HIP1R: variants seen among roughly 807,000 people sequenced by gnomAD.
HIP1R encodes the protein huntingtin interacting protein 1 related.
In HIP1R, 135 loss-of-function variants were observed where a neutral mutation model predicts 144.2. That is an observed-to-expected ratio of 0.94 (90% CI 0.81 to 1.08). HIP1R has a LOEUF of 1.08. HIP1R is among the 50% of genes least tolerant of loss of function. HIP1R has a pLI of 0.00. For missense variants in HIP1R, 1,462 were observed against 1,432.8 expected, an observed-to-expected ratio of 1.02 and a Z score of -0.33; for synonymous variants, 698 against 612.8, an observed-to-expected ratio of 1.14 and a Z score of -2.05.
intron 17 of HIP1R, 139 bp from the exon 18 acceptor site, chr12:122,856,882 C>A: frequency 9.6e-7 from 1 of 1,045,700 alleles, no homozygotes. Context: ...GGAGACAGGA[C>A]CTACCGCTGG....
rs2032899604 is a variant in HIP1R, at chr12:122,836,470, G to A, written c.93+827G>A. ...GCGTTTTGTACTTGTGTTTGTGCCG[G>A]GGACCCACGATGCAGACGTTGCTGC... On this transcript the variant is annotated intron_variant, in intron 1 of 31. Coordinates refer to ENST00000253083, the MANE Select transcript of HIP1R (RefSeq NM_003959.3). The surrounding 1 kb of genome is among the most constrained non-coding windows in gnomAD (Gnocchi z 4.1). Among the ~76,000 whole-genome samples, 1 of 152,104 alleles carries A rather than the reference G, an allele frequency of 6.6e-6. No individual in the cohort carries two copies. The highest frequency in any genetic ancestry group is 1.5e-5 in the Non-Finnish European group (1 of 68,030).
intron 7 of HIP1R, among the ~76,000 whole-genome samples, chr12:122,851,554 G>A (rs2033395442): frequency 6.6e-6 from 1 of 152,076 alleles, no homozygotes; most frequent in Admixed American, 6.5e-5. Flanking sequence ...ATAAAAATTA[G>A]CCAGGCGTGG....
Position 122,859,840 on chromosome 12 carries a change from C to A in HIP1R, c.2465+10C>A, listed in dbSNP as rs776581985. 1 of 1,611,480 alleles carries A rather than the reference C, an allele frequency of 6.2e-7. No individual in the cohort carries two copies. Among genetic ancestry groups the A allele is most frequent in the Non-Finnish European group, 8.5e-7 (1 of 1,179,082 alleles). ...TGGAGGTGAACGAGAGGTGAGCCCC[C>A]CTTCTGTCCCCCCAGGCCCAGCCGA... is the stretch of plus-strand genomic sequence containing the variant. On this transcript the variant is annotated intron_variant, in intron 24 of 31. Coordinates refer to ENST00000253083, the MANE Select transcript of HIP1R (RefSeq NM_003959.3).
intron 6 of HIP1R, 88 bp from the exon 7 acceptor site, chr12:122,851,148 C>A (rs1016530093): frequency 5.1e-5 from 62 of 1,206,938 alleles, no homozygotes; most frequent in Non-Finnish European, 6.7e-5. Flanking sequence ...GTCGGCGGTG[C>A]CCCCGTCCCC....
chr12:122,852,627 G>C (rs2033431655), intron 7 of HIP1R, among the ~76,000 whole-genome samples: 1 of 152,210 alleles, frequency 6.6e-6, no homozygotes, highest in South Asian at 2.1e-4. Context: ...ACAGGTACAG[G>C]GGCTTCCCTG....
Position 122,848,067 on chromosome 12 carries a change from GC to G in HIP1R, c.135del (p.Val46Ter). ...CAGCAAAGCCATCAACACCCAGGAG[GC>G]CCCCGTGAAGGAGAAGCACGCCCGG... ...SISKAINTQEAPVKEKHARRI... is the reference protein window; with the variant it reads ...SISKAINTQEXPVKEKHARRI... On this transcript the variant is annotated frameshift_variant, in exon 2 of 32. Transcript: ENST00000253083. LOFTEE classifies it high-confidence loss of function. 1 of 1,613,606 alleles carries G rather than the reference GC, an allele frequency of 6.2e-7. No individual in the cohort carries two copies. The highest frequency in any genetic ancestry group is 8.5e-7 in the Non-Finnish European group (1 of 1,179,952).
At chr12:122,849,145 G>C (rs1316786779) in intron 4 of HIP1R, among the ~76,000 whole-genome samples, 2 of 152,264 alleles carry the variant, frequency 1.3e-5, no homozygotes, top group Non-Finnish European at 2.9e-5. Flanking sequence ...TGGTTAGAGA[G>C]CCTGTGGCAG....
Position 122,835,462 on chromosome 12 carries a change from G to A in HIP1R, c.-89G>A. 2 of 1,165,842 alleles carry A rather than the reference G, an allele frequency of 1.7e-6. No homozygotes were observed. Among genetic ancestry groups the A allele is most frequent in the South Asian group, 3.6e-5 (1 of 28,048 alleles). 72.2% of individuals were successfully genotyped at this position (1,165,842 alleles called of 1,614,324 possible). ...CGGGCGGGCCCGGGCGCGGCGCGGT[G>A]GCCTCGCGGTGCCTAGGCTGGGGCT... is the stretch of plus-strand genomic sequence containing the variant. On this transcript the variant is annotated 5_prime_UTR_variant, in exon 1 of 32. Transcript: ENST00000253083.
Position 122,859,899 on chromosome 12 carries a change from C to G in HIP1R, c.2465+69C>G. On this transcript the variant is annotated intron_variant, in intron 24 of 31. Coordinates refer to ENST00000253083, the MANE Select transcript of HIP1R (RefSeq NM_003959.3). The stretch of plus-strand genomic sequence containing the variant: ...CCCCGTGGCCCCTAAGGTTCTGCCC[C>G]CAACTGTTCTGCTCACGGGAAAGGA... 5 of 1,521,944 alleles carry G rather than the reference C, an allele frequency of 3.3e-6. No homozygotes were observed. The Admixed American group carries it at 5.4e-5, about 16-fold the overall frequency. 94.3% of individuals were successfully genotyped at this position (1,521,944 alleles called of 1,614,324 possible).
Position 122,860,971 on chromosome 12 carries a change from C to T in HIP1R, c.2822C>T (p.Thr941Ile), listed in dbSNP as rs1257802042. Residue 941 changes from threonine to isoleucine, a missense_variant, in exon 29 of 32, where the codon ACA (threonine) becomes ATA (isoleucine). Around this residue, in one of 2 missense-constraint regions of HIP1R, gnomAD observed 1,112 missense variants for 1,011.7 expected, o/e 1.10. Coordinates refer to ENST00000253083, the MANE Select transcript of HIP1R (RefSeq NM_003959.3). ...HLSRLQECSR[T>I]VNERAANVVA... ...AGCCGCCTGCAGGAATGTTCTCGCA[C>T]AGTCAATGAGAGGGCTGCCAATGTG... The T allele has an allele frequency of 3.1e-6, 5 of 1,613,420 alleles. No individual in the cohort carries two copies. In the South Asian group the frequency reaches 3.3e-5, roughly 11 times the overall value.
chr12:122,851,954 G>A (rs2033413047), intron 7 of HIP1R, among the ~76,000 whole-genome samples: 1 of 152,198 alleles, frequency 6.6e-6, no homozygotes, highest in Non-Finnish European at 1.5e-5. Flanking sequence ...AGAAAGGTTT[G>A]GGTCGTCCTG....
rs1218703094 is a variant in HIP1R at position 122,860,190 on chromosome 12, G to A, written c.2539G>A (p.Glu847Lys). The A allele has an allele frequency of 6.4e-7, 1 of 1,565,688 alleles. No homozygotes were observed. The highest frequency in any genetic ancestry group is 8.6e-7 in the Non-Finnish European group (1 of 1,157,182). ...GACGACATCCACTAGCCTGCAGAAG[G>A]AGATCGTGGAGAGCGGCAGGGTGAG... ...LVTTSTSLQK[E>K]IVESGRGAAT... is the part of the protein sequence containing the mutation. Residue 847 changes from glutamate (E) to lysine (K), a missense_variant, in exon 26 of 32, where the codon GAG (glutamate) becomes AAG (lysine). This residue lies in a region of HIP1R where 1,112 missense variants were observed against 1,011.7 expected (regional missense o/e 1.10). Transcript: ENST00000253083.
Position 122,855,407 on chromosome 12 carries a change from T to A in HIP1R, c.993+2T>A. On this transcript the variant is annotated splice_donor_variant, in intron 11 of 31. Transcript: ENST00000253083. LOFTEE classifies it high-confidence loss of function. ...GGGCCCCCCGCGGGGGAGCCAGTGG[T>A]GAGCCCCCTGCCCAGCCCGTGTCCC... 1 of 1,561,056 alleles carries A rather than the reference T, an allele frequency of 6.4e-7. No homozygotes were observed. Among genetic ancestry groups the A allele is most frequent in the Non-Finnish European group, 8.7e-7 (1 of 1,154,006 alleles).
intron 11 of HIP1R, 24 bp from the exon 12 acceptor site, chr12:122,855,527 G>A: frequency 6.5e-7 from 1 of 1,549,422 alleles, no homozygotes; most frequent in Non-Finnish European, 8.7e-7. Flanking sequence ...AGGTGAGTGG[G>A]GTCACCATGC....
chr12:122,843,801 C>A (rs946634839), intron 1 of HIP1R, among the ~76,000 whole-genome samples: 1 of 152,184 alleles, frequency 6.6e-6, no homozygotes, highest in African/African-American at 2.4e-5. Flanking sequence ...TCTCTGCGGA[C>A]CCTCCAACTC....
At chr12:122,835,664 G>GGGCGGCGGGC (rs1329302624) in intron 1 of HIP1R, 21 bp downstream of exon 1, 9 of 1,105,374 alleles carry the variant, frequency 8.1e-6, no homozygotes, top group East Asian at 9.8e-5. Context: ...GGCGGGCGGC[G>GGGCGGCGGGC]GGCGGCGGGC....
intron 20 of HIP1R, 31 bp from the exon 21 acceptor site, chr12:122,858,807 C>A: frequency 6.9e-7 from 1 of 1,456,446 alleles, no homozygotes; most frequent in Non-Finnish European, 9.6e-7. Flanking sequence ...GTGTCATCCT[C>A]CCCCAACCTT....
At chr12:122,850,964 T>C (rs1285033772) in intron 6 of HIP1R, 53 bp downstream of exon 6, 12 of 1,525,540 alleles carry the variant, frequency 7.9e-6, no homozygotes, top group South Asian at 6.9e-5. Context: ...TCCCCATTCC[T>C]TCCTACCGCG....
In HIP1R at chr12:122,858,863, G is replaced by A; in HGVS notation, c.2076G>A (p.Leu692=). 1.2e-6 allele frequency: 2 copies of A among 1,613,212 alleles called. No individual in the cohort carries two copies. Among genetic ancestry groups the A allele is most frequent in the Non-Finnish European group, 1.7e-6 (2 of 1,179,998 alleles). Residue 692 remains leucine (L), a synonymous_variant, in exon 21 of 32, where the codon CTG becomes CTA. Coordinates refer to ENST00000253083, the MANE Select transcript of HIP1R (RefSeq NM_003959.3). ...LADASALVAA[L]TRFSHLAADT... ...ACGCCTCCGCCCTGGTGGCAGCTCT[G>A]ACCCGCTTCTCCCACCTGGCTGCGG...
Sources: allele counts gnomAD v4.1 joint callset (sites outside exome capture counted in the v4.1 genomes callset), GRCh38; gene constraint gnomAD v4.1.1; regional missense constraint gnomAD v4.1.1; non-coding constraint Gnocchi (gnomAD v3.1); transcripts MANE v1.5; gene names NCBI Gene and HGNC (gene_info 2026-07-23, HGNC 2026-07-21).